UNC13C: variants seen among roughly 807,000 people sequenced by gnomAD.
UNC13C encodes unc-13 homolog C.
A neutral mutation model predicts 245.4 loss-of-function variants in UNC13C; 174 were observed. The observed-to-expected ratio is 0.71, with a 90% CI of 0.63 to 0.80. The LOEUF is 0.80. Ranked by LOEUF, UNC13C falls within the 30% of genes least tolerant of loss-of-function variation. The pLI is 0.00. For synonymous variants in UNC13C, 992 were observed against 895.1 expected (o/e 1.11, Z -1.93); for missense variants, 2,829 against 2,602.9 (o/e 1.09, Z -1.89).
chr15:54,064,081 CTTTT>C lies in UNC13C; in HGVS notation c.2983+48202_2983+48205del, dbSNP rs369188815. ...TCCTCCTACCTCAATTTTTCTTCTT[CTTTT>C]TTTTTTCAGATTTGTCAGGTCTGTC... is the stretch of plus-strand genomic sequence containing the variant. On this transcript the variant is annotated intron_variant, in intron 2 of 32. Transcript: ENST00000260323. 6.8e-4 allele frequency among the ~76,000 whole-genome samples: 102 copies of C among 149,442 alleles called. 4 individuals carry two copies. In the South Asian group the frequency reaches 8.5e-3, roughly 13 times the overall value.
At chr15:54,088,702 T>C (rs139884466) in intron 2 of UNC13C, among the ~76,000 whole-genome samples, 329 of 152,258 alleles carry the variant, frequency 2.2e-3, no homozygotes, top group African/African-American at 7.6e-3. Flanking sequence ...AGAACATGAG[T>C]GCTCTCTGTC....
intron 2 of UNC13C, among the ~76,000 whole-genome samples, chr15:54,038,124 A>ATATATATTTTTTTTT: frequency 2.4e-4 from 11 of 45,030 alleles, no homozygotes; most frequent in East Asian, 1.1e-3. Context: ...ATATATATAT[A>ATATATATTTTTTTTT]TTTTTTTTTT....
chr15:53,937,629 A>G, the UNC13C span, among the ~76,000 whole-genome samples: 1 of 152,340 alleles, frequency 6.6e-6, no homozygotes, highest in Non-Finnish European at 1.5e-5. Context: ...AAAGGCAGCC[A>G]GAGAGAAAGG....
At chr15:54,346,464 A>G (rs2038862060) in intron 17 of UNC13C, among the ~76,000 whole-genome samples, 1 of 152,188 alleles carries the variant, frequency 6.6e-6, no homozygotes, top group Non-Finnish European at 1.5e-5. Flanking sequence ...TCCAGATAAT[A>G]TGATGCCTTG....
intron 14 of UNC13C, among the ~76,000 whole-genome samples, chr15:54,330,240 A>G (rs1012684119): frequency 1.3e-5 from 2 of 151,892 alleles, no homozygotes; most frequent in Non-Finnish European, 2.9e-5. Flanking sequence ...TCTGCCAAGC[A>G]CTCTTTTTAA....
rs145167801 is a variant in UNC13C at position 54,207,359 on chromosome 15, T to G, written c.3072-27671T>G. On this transcript the variant is annotated intron_variant, in intron 4 of 32. Coordinates refer to ENST00000260323, the MANE Select transcript of UNC13C (RefSeq NM_001080534.3). ...AGCTGGTTGTTAAAAATATTATAATTTTCTTATTTTCTTTCTCTCATGTCC... is the reference window on the plus strand; with the variant it reads ...AGCTGGTTGTTAAAAATATTATAATGTTCTTATTTTCTTTCTCTCATGTCC... Among the ~76,000 whole-genome samples, 642 of 152,136 alleles carry G rather than the reference T, an allele frequency of 4.2e-3. 8 individuals carry two copies. Among genetic ancestry groups the G allele is most frequent in the African/African-American group, 0.015 (624 of 41,526 alleles).
chr15:54,197,141 A>C (rs923429689), intron 4 of UNC13C, among the ~76,000 whole-genome samples: 1 of 152,218 alleles, frequency 6.6e-6, no homozygotes, highest in African/African-American at 2.4e-5. Context: ...TATGTTCTAC[A>C]TAGAAAATGC....
chr15:53,896,978 T>C, the UNC13C span, among the ~76,000 whole-genome samples: 1 of 152,188 alleles, frequency 6.6e-6, no homozygotes, highest in Non-Finnish European at 1.5e-5. Flanking sequence ...ATAGTTAGGT[T>C]ACTGAGGTTT....
intron 10 of UNC13C, among the ~76,000 whole-genome samples, chr15:54,273,215 A>G (rs1345727481): frequency 1.3e-5 from 2 of 152,206 alleles, no homozygotes; most frequent in Non-Finnish European, 2.9e-5. Context: ...GAAACCAGGA[A>G]AAGCCAAACA....
At chr15:54,236,542 GA>G (rs1277622157) in intron 6 of UNC13C, 107 bp downstream of exon 6, 4 of 844,946 alleles carry the variant, frequency 4.7e-6, no homozygotes, top group Admixed American at 2.5e-5. Context: ...TGAAAAGACA[GA>G]CATACAAGAA....
chr15:54,209,629 G>T (rs2034820051), intron 4 of UNC13C, among the ~76,000 whole-genome samples: 1 of 152,056 alleles, frequency 6.6e-6, no homozygotes, highest in Non-Finnish European at 1.5e-5. Context: ...GCCAAGGCTG[G>T]TCTTGAACTC....
At chr15:53,939,994 T>G in the UNC13C span, among the ~76,000 whole-genome samples, 1 of 152,156 alleles carries the variant, frequency 6.6e-6, no homozygotes, top group Non-Finnish European at 1.5e-5. Context: ...ATGTTTATGG[T>G]AGCAGCTAGA....
intron 2 of UNC13C, among the ~76,000 whole-genome samples, chr15:54,082,412 T>C (rs1447843665): frequency 1.3e-5 from 2 of 152,230 alleles, no homozygotes; most frequent in East Asian, 3.8e-4. Context: ...CGATTAGTCA[T>C]AGATTTGGTT....
chr15:54,345,813 C>G (rs950206223), intron 17 of UNC13C, among the ~76,000 whole-genome samples: 1 of 152,162 alleles, frequency 6.6e-6, no homozygotes, highest in African/African-American at 2.4e-5. Context: ...CACAGTGCCT[C>G]TAAGGTCTAA....
At chr15:53,849,972 C>A in the UNC13C span, among the ~76,000 whole-genome samples, 65 of 152,326 alleles carry the variant, frequency 4.3e-4, no homozygotes, top group Admixed American at 4.0e-3. Context: ...AGCGTTACCA[C>A]TTACAGCCTT....
At chr15:54,409,030 G>A (rs2040364800) in intron 18 of UNC13C, among the ~76,000 whole-genome samples, 1 of 152,084 alleles carries the variant, frequency 6.6e-6, no homozygotes, top group African/African-American at 2.4e-5. Context: ...TATTGGTATA[G>A]AAAAGAACTG....
chr15:54,223,521 A>G (rs2035288719), intron 4 of UNC13C, among the ~76,000 whole-genome samples: 1 of 152,046 alleles, frequency 6.6e-6, no homozygotes, highest in Non-Finnish European at 1.5e-5. Flanking sequence ...GAAGTCAGAT[A>G]AGGTGATTCT....
chr15:54,420,623 T>TTTTA (rs1217405870), intron 19 of UNC13C, among the ~76,000 whole-genome samples: 1 of 152,020 alleles, frequency 6.6e-6, no homozygotes, highest in Non-Finnish European at 1.5e-5. Flanking sequence ...CATATTCTTA[T>TTTTA]TTTAGGTCAG....
chr15:54,580,446 A>G (rs1220435667), intron 30 of UNC13C, among the ~76,000 whole-genome samples: 2 of 152,226 alleles, frequency 1.3e-5, no homozygotes, highest in Non-Finnish European at 2.9e-5. Context: ...TATTTATGGA[A>G]GAAAGGCAAG....
Sources: gnomAD v4.1 joint callset for allele counts (sites outside exome capture counted in the v4.1 genomes callset) on GRCh38, gnomAD v4.1.1 for gene constraint, MANE v1.5 for transcripts, NCBI Gene and HGNC (gene_info 2026-07-23, HGNC 2026-07-21) for gene names.